ZNF568: variants seen among roughly 807,000 people sequenced by gnomAD.
ZNF568 encodes the protein p53 inhibitor of SCO2 activation.
Under a neutral mutation model 18.1 loss-of-function variants are expected in ZNF568, and 11 were observed. The ratio of observed to expected loss-of-function variants is 0.61; its 90% CI spans 0.38 to 1.00. The LOEUF (loss-of-function observed/expected upper bound fraction) is 1.00. Among genes scored for constraint, ZNF568 ranks in the 50% least tolerant of loss-of-function variants. The pLI, the probability that ZNF568 is intolerant of heterozygous loss-of-function variation, is 0.01. For synonymous variants in ZNF568, 213 were observed against 246.6 expected (o/e 0.86, Z 1.28); for missense variants, 639 against 768.2 (o/e 0.83, Z 1.99).
chr19:36,964,080 C>A (rs973910291), intron 6 of ZNF568, among the ~76,000 whole-genome samples: 1 of 151,488 alleles, frequency 6.6e-6, no homozygotes, highest in Non-Finnish European at 1.5e-5. Context: ...GCTTCTGAAC[C>A]TTTGTGAAAT....
chr19:36,925,088 G>C, intron 3 of ZNF568, 112 bp from the exon 4 acceptor site: 1 of 865,860 alleles, frequency 1.2e-6, no homozygotes, highest in Non-Finnish European at 1.9e-6. Flanking sequence ...ATTTCTTATT[G>C]CTTCAAGGAT....
chr19:36,955,153 C>T (rs1232397965), downstream of ZNF568, among the ~76,000 whole-genome samples: 2 of 151,684 alleles, frequency 1.3e-5, no homozygotes, highest in Non-Finnish European at 2.9e-5. Flanking sequence ...TTTCGCATTT[C>T]GTGTATCCAC....
intron 2 of ZNF568, among the ~76,000 whole-genome samples, chr19:36,985,280 A>G (rs2074366059): frequency 6.6e-6 from 1 of 151,828 alleles, no homozygotes; most frequent in African/African-American, 2.4e-5. Flanking sequence ...ATCTTTGTGA[A>G]GTTTTCTTAT....
intron 4 of ZNF568, among the ~76,000 whole-genome samples, chr19:36,994,398 G>C (rs1347470839): frequency 6.6e-6 from 1 of 152,162 alleles, no homozygotes. Flanking sequence ...TGAGTGGAAT[G>C]TTCTACAAAT....
intron 4 of ZNF568, among the ~76,000 whole-genome samples, chr19:36,995,416 C>T (rs71356030): frequency 2.0e-4 from 30 of 151,966 alleles, no homozygotes; most frequent in Non-Finnish European, 4.0e-4. Flanking sequence ...AACAAACAAG[C>T]AAAAAACAGT....
In ZNF568 at chr19:36,991,825, G is replaced by T; in HGVS notation, c.208G>T (p.Glu70Ter). The stretch of plus-strand genomic sequence containing the variant: ...AGAGCCCTGGATGGTTAAGAGGAAG[G>T]AGACAAAAGAATGGTGTCCAGGTGA... Residue 70 changes from glutamate to a stop codon, truncating the protein, a stop_gained, in exon 4 of 5, where the codon GAG (glutamate) becomes TAG (stop). Transcript: ENST00000433993. LOFTEE classifies it low-confidence loss of function (END_TRUNC). 6.3e-7 allele frequency: 1 copy of T among 1,575,948 alleles called. No individual in the cohort carries two copies. The highest frequency in any genetic ancestry group is 1.8e-5 in the Admixed American group (1 of 55,378).
At chr19:36,996,985 T>C (rs1373947952) in exon 5 of ZNF568, 8 of 1,544,752 alleles carry the variant, frequency 5.2e-6, no homozygotes, top group Non-Finnish European at 6.9e-6. Context: ...TGGGAAGGCC[T>C]TTACCCGTCC....
At chr19:36,981,202 T>C (rs1231106577), downstream of ZNF568, among the ~76,000 whole-genome samples, 1 of 152,232 alleles carries the variant, frequency 6.6e-6, no homozygotes, top group Admixed American at 6.5e-5. Context: ...GTTTGTCTAT[T>C]TAAACCATAC....
intron 6 of ZNF568, among the ~76,000 whole-genome samples, chr19:36,942,553 C>T (rs1267458823): frequency 7.2e-6 from 1 of 139,024 alleles, no homozygotes; most frequent in Non-Finnish European, 1.5e-5. Flanking sequence ...GAGCCGAGAT[C>T]ACGCCACTGC....
intron 2 of ZNF568, among the ~76,000 whole-genome samples, chr19:36,921,185 A>G (rs903701535): frequency 1.3e-5 from 2 of 152,146 alleles, no homozygotes; most frequent in African/African-American, 2.4e-5. Flanking sequence ...CTGTCGGCCA[A>G]GCATGGTGGC....
chr19:36,933,924 G>GTTTTTTTTTTTTTTTTTTTTT (rs140279289), intron 4 of ZNF568, among the ~76,000 whole-genome samples: 8 of 29,904 alleles, frequency 2.7e-4, no homozygotes, highest in Middle Eastern at 0.019. Flanking sequence ...TTGTTTTTTT[G>GTTTTTTTTTTTTTTTTTTTTT]TTTTTTTTTT....
exon 8 of ZNF568, chr19:36,979,498 A>C (rs1248556245): frequency 6.6e-6 from 1 of 152,050 alleles, no homozygotes; most frequent in Non-Finnish European, 1.5e-5. Context: ...GTTTTTCTTT[A>C]CAGTCTTAAC....
At chr19:36,947,285 A>G (rs2073983617) in intron 6 of ZNF568, among the ~76,000 whole-genome samples, 1 of 152,122 alleles carries the variant, frequency 6.6e-6, no homozygotes, top group East Asian at 1.9e-4. Context: ...AAGTGCGGGG[A>G]TTACAGGTGT....
chr19:36,982,563 G>A (rs1007094931), downstream of ZNF568, among the ~76,000 whole-genome samples: 24 of 151,962 alleles, frequency 1.6e-4, no homozygotes, highest in East Asian at 3.9e-4. Context: ...AAAATTAGCC[G>A]AGCGAGGTGG....
intron 4 of ZNF568, among the ~76,000 whole-genome samples, chr19:36,934,478 G>A (rs960848724): frequency 1.5e-4 from 22 of 151,552 alleles, no homozygotes; most frequent in African/African-American, 4.8e-4. Flanking sequence ...ACACCACCAC[G>A]CCCTACTAAG....
intron 3 of ZNF568, among the ~76,000 whole-genome samples, chr19:36,924,321 C>T (rs1403125967): frequency 6.6e-6 from 1 of 151,666 alleles, no homozygotes; most frequent in Non-Finnish European, 1.5e-5. Flanking sequence ...CGGGTTCAAG[C>T]GATTCTCCTG....
At chr19:36,942,994 A>G (rs2073909184) in intron 6 of ZNF568, among the ~76,000 whole-genome samples, 1 of 152,170 alleles carries the variant, frequency 6.6e-6, no homozygotes, top group African/African-American at 2.4e-5. Context: ...GGCTGTGGGT[A>G]TAGTTTGCCA....
chr19:36,926,009 A>G (rs2146272497), intron 4 of ZNF568, among the ~76,000 whole-genome samples: 1 of 152,318 alleles, frequency 6.6e-6, no homozygotes, highest in East Asian at 1.9e-4. Context: ...GTCTTGGCCA[A>G]ACTTCAAAAA....
Position 36,949,708 on chromosome 19 carries a change from G to A in ZNF568, c.555G>A (p.Leu185=), listed in dbSNP as rs759807766. 1.3e-5 allele frequency: 21 copies of A among 1,613,736 alleles called. No homozygotes were observed. The highest frequency in any genetic ancestry group is 2.7e-5 in the African/African-American group (2 of 74,910). ...ACTGTGACTCACTTGATAAGGGTTTGGAACATAATTTAGACTTACTTAGAT... is the reference window on the plus strand; with the variant it reads ...ACTGTGACTCACTTGATAAGGGTTTAGAACATAATTTAGACTTACTTAGAT... ...FYDCDSLDKG[L]EHNLDLLRYE... is the part of the protein sequence containing the mutation. The change falls in exon 7 of 7, where the codon TTG becomes TTA. Residue 185 remains leucine (L), a synonymous_variant. Transcript: ENST00000333987.
Sources: gnomAD v4.1 joint callset for allele counts (sites outside exome capture counted in the v4.1 genomes callset) on GRCh38, gnomAD v4.1.1 for gene constraint, MANE v1.5 for transcripts, NCBI Gene and HGNC (gene_info 2026-07-23, HGNC 2026-07-21) for gene names.